CDH18: variants seen among roughly 807,000 people sequenced by gnomAD.
CDH18 encodes the protein cadherin-18.
Under a neutral mutation model 67.9 loss-of-function variants are expected in CDH18, and 31 were observed. The observed-to-expected ratio is 0.46, with a 90% CI of 0.34 to 0.62. The LOEUF is 0.62. Ranked by LOEUF, CDH18 falls within the 20% of genes least tolerant of loss-of-function variation. The pLI is 0.01. For missense variants in CDH18, 890 were observed against 975.5 expected (o/e 0.91, Z 1.17); for synonymous variants, 362 against 347.2 (o/e 1.04, Z -0.48).
intron 1 of CDH18, among the ~76,000 whole-genome samples, chr5:20,397,291 C>T (rs7735278): frequency 0.47 from 71,750 of 151,550 alleles, 18,438 homozygotes; most frequent in Middle Eastern, 0.61. Flanking sequence ...CCACCACGCC[C>T]GGCTAATTTT....
At chr5:19,492,575 T>C (rs1036898305) in intron 11 of CDH18, among the ~76,000 whole-genome samples, 4 of 152,158 alleles carry the variant, frequency 2.6e-5, no homozygotes, top group Non-Finnish European at 5.9e-5. Flanking sequence ...AAACATTTCA[T>C]ACTTTTTTGT....
upstream of CDH18, among the ~76,000 whole-genome samples, chr5:19,989,128 G>A (rs551571759): frequency 6.6e-6 from 1 of 152,232 alleles, no homozygotes; most frequent in African/African-American, 2.4e-5. Context: ...CTCCCCGCAC[G>A]AAGTCACCCA....
At chr5:20,413,651 T>C (rs1165846209) in intron 1 of CDH18, among the ~76,000 whole-genome samples, 1 of 151,922 alleles carries the variant, frequency 6.6e-6, no homozygotes, top group Non-Finnish European at 1.5e-5. Flanking sequence ...CCACTTTTTG[T>C]TGGGATTGTT....
chr5:20,519,162 A>G (rs1028367299), intron 1 of CDH18, among the ~76,000 whole-genome samples: 1 of 152,188 alleles, frequency 6.6e-6, no homozygotes, highest in South Asian at 2.1e-4. Flanking sequence ...ACTTTCTGTG[A>G]TATCTGAAGA....
intron 1 of CDH18, among the ~76,000 whole-genome samples, chr5:20,476,154 A>G (rs949325487): frequency 6.6e-6 from 1 of 152,214 alleles, no homozygotes; most frequent in Non-Finnish European, 1.5e-5. Context: ...TAAGGATGTT[A>G]TCCATAACAG....
chr5:20,461,834 A>T (rs1202240939), intron 1 of CDH18, among the ~76,000 whole-genome samples: 1 of 152,150 alleles, frequency 6.6e-6, no homozygotes, highest in Non-Finnish European at 1.5e-5. Flanking sequence ...AGCAATTGTA[A>T]ATCAATTAAC....
intron 2 of CDH18, among the ~76,000 whole-genome samples, chr5:20,131,596 T>A (rs866630402): frequency 6.6e-6 from 1 of 152,142 alleles, no homozygotes; most frequent in African/African-American, 2.4e-5. Flanking sequence ...CATTTGTGTG[T>A]CTGTATGAAT....
At chr5:19,946,900 T>C (rs1000306279) in intron 2 of CDH18, among the ~76,000 whole-genome samples, 2 of 151,742 alleles carry the variant, frequency 1.3e-5, no homozygotes, top group African/African-American at 2.4e-5. Context: ...TCAAGTGGGG[T>C]TTATTCAAGA....
intron 2 of CDH18, among the ~76,000 whole-genome samples, chr5:19,911,896 A>T (rs1393417969): frequency 1.3e-5 from 2 of 152,198 alleles, no homozygotes; most frequent in Admixed American, 1.3e-4. Context: ...AAGGCATAAA[A>T]CAGGGAACCA....
At chr5:19,628,622 A>G (rs1388899993) in intron 5 of CDH18, among the ~76,000 whole-genome samples, 1 of 152,086 alleles carries the variant, frequency 6.6e-6, no homozygotes, top group African/African-American at 2.4e-5. Context: ...GAAAACTGTG[A>G]GATGAACTGT....
At chr5:19,889,858 C>T (rs1579448274) in intron 2 of CDH18, among the ~76,000 whole-genome samples, 2 of 152,190 alleles carry the variant, frequency 1.3e-5, no homozygotes. Context: ...GTCCAAAATG[C>T]TGTTTGCTCC....
At chr5:19,931,099 G>GTA (rs1793642014) in intron 2 of CDH18, among the ~76,000 whole-genome samples, 2 of 151,838 alleles carry the variant, frequency 1.3e-5, no homozygotes, top group South Asian at 4.2e-4. Context: ...CTCACATGAG[G>GTA]TATAGCATTT....
chr5:19,737,861 G>C (rs1768557849), intron 4 of CDH18, among the ~76,000 whole-genome samples: 1 of 152,094 alleles, frequency 6.6e-6, no homozygotes, highest in Non-Finnish European at 1.5e-5. Context: ...AGTGATACTT[G>C]AATGATGACA....
intron 5 of CDH18, among the ~76,000 whole-genome samples, chr5:19,634,009 A>T (rs1198313542): frequency 6.6e-6 from 1 of 152,106 alleles, no homozygotes; most frequent in East Asian, 1.9e-4. Flanking sequence ...GTAACTTCTT[A>T]CTTGTACTTT....
At chr5:20,083,166 G>A (rs1348334549) in intron 2 of CDH18, among the ~76,000 whole-genome samples, 2 of 152,120 alleles carry the variant, frequency 1.3e-5, no homozygotes, top group Non-Finnish European at 2.9e-5. Context: ...GTGATAAATG[G>A]GCACTTAGAG....
chr5:19,702,658 C>T (rs1229706187), intron 5 of CDH18, among the ~76,000 whole-genome samples: 2 of 152,010 alleles, frequency 1.3e-5, no homozygotes, highest in Admixed American at 1.3e-4. Context: ...ATCCCAGGCA[C>T]TCAGGAGGCT....
intron 1 of CDH18, among the ~76,000 whole-genome samples, chr5:20,297,494 G>T (rs1747633700): frequency 6.6e-6 from 1 of 152,116 alleles, no homozygotes; most frequent in African/African-American, 2.4e-5. Flanking sequence ...TGTAGCCTAT[G>T]CAACGAAAGA....
chr5:20,006,208 A>G (rs1455174260), intron 2 of CDH18, among the ~76,000 whole-genome samples: 2 of 151,874 alleles, frequency 1.3e-5, no homozygotes, highest in African/African-American at 2.4e-5. Context: ...TTAACCATAA[A>G]GGCATAGACT....
intron 8 of CDH18, among the ~76,000 whole-genome samples, chr5:19,546,046 A>G (rs115692557): frequency 0.018 from 2,790 of 152,292 alleles, 39 homozygotes; most frequent in Non-Finnish European, 0.026. Flanking sequence ...AGTGGCATGC[A>G]GCCAAGAAAT....
Sources: gnomAD v4.1 joint callset for allele counts (sites outside exome capture counted in the v4.1 genomes callset) on GRCh38, gnomAD v4.1.1 for gene constraint, MANE v1.5 for transcripts, NCBI Gene and HGNC (gene_info 2026-07-23, HGNC 2026-07-21) for gene names.